RSRC2: variants seen among roughly 807,000 people sequenced by gnomAD.
RSRC2 encodes the protein arginine/serine-rich coiled-coil protein 2.
RSRC2 carries 5 observed loss-of-function variants against 61.3 expected under a neutral mutation model. The ratio of observed to expected loss-of-function variants is 0.08; its 90% CI spans 0.04 to 0.17. The LOEUF (loss-of-function observed/expected upper bound fraction) is 0.17, where lower values mean the gene tolerates loss of function less well. Ranked by LOEUF, RSRC2 falls within the 10% of genes least tolerant of loss-of-function variation. The pLI is 1.00. For missense variants in RSRC2, 381 were observed against 518.8 expected (o/e 0.73, Z 2.58); for synonymous variants, 202 against 166.5 (o/e 1.21, Z -1.64).
At chr12:122,510,142 A>C (rs1452836892) in intron 7 of RSRC2, among the ~76,000 whole-genome samples, 1 of 152,194 alleles carries the variant, frequency 6.6e-6, no homozygotes, top group African/African-American at 2.4e-5. Context: ...TGAAATCTGC[A>C]ATGTTTGTTA....
intron 1 of RSRC2, chr12:122,523,625 C>T (rs926349328): frequency 1.3e-5 from 2 of 152,146 alleles, no homozygotes; most frequent in Non-Finnish European, 2.9e-5. Flanking sequence ...AATAGGGAAT[C>T]GATAGTCTTC....
At chr12:122,509,824 TTTG>T (rs1053468204) in intron 7 of RSRC2, among the ~76,000 whole-genome samples, 15 of 152,262 alleles carry the variant, frequency 9.9e-5, no homozygotes, top group Admixed American at 3.9e-4. Context: ...GTGATAATTT[TTTG>T]TTTTTTGTTT....
chr12:122,512,191 ACAAG>A (rs1049606442), intron 6 of RSRC2, among the ~76,000 whole-genome samples: 1 of 152,256 alleles, frequency 6.6e-6, no homozygotes, highest in Non-Finnish European at 1.5e-5. Context: ...TGCACACTAA[ACAAG>A]CTATATGTTA....
chr12:122,517,563 A>T (rs1959033752), intron 4 of RSRC2, 133 bp from the exon 5 acceptor site: 3 of 1,092,260 alleles, frequency 2.7e-6, no homozygotes, highest in Non-Finnish European at 2.6e-6. Context: ...TACAGAAATA[A>T]GCGAGATTTT....
At chr12:122,508,101 G>T in intron 8 of RSRC2, 117 bp downstream of exon 8, 1 of 920,128 alleles carries the variant, frequency 1.1e-6, no homozygotes, top group Non-Finnish European at 1.7e-6. Context: ...CCCGCGTCTG[G>T]CCACCCCAGG....
At chr12:122,518,347 C>T (rs975600891) in intron 4 of RSRC2, among the ~76,000 whole-genome samples, 7 of 152,044 alleles carry the variant, frequency 4.6e-5, no homozygotes, top group African/African-American at 1.7e-4. Context: ...AATCCCAGCA[C>T]TTTGGGAGGC....
rs1224003523 is a variant in RSRC2, at chr12:122,517,248, CTCCTGCTTCTAGTCCTAT to C, written c.563_580del (p.His188_Ser194delinsArg). On this transcript the variant is annotated inframe_deletion, in exon 5 of 10. Coordinates refer to ENST00000331738, the MANE Select transcript of RSRC2 (RefSeq NM_023012.6). Reference sequence around the variant, plus strand: ...CTACCGACTCCTACTCCTTGTCCTACTCCTGCTTCTAGTCCTATGCCTGTGTCTTGATCTTGAGCGGGA... The same window carrying C: ...CTACCGACTCCTACTCCTTGTCCTACGCCTGTGTCTTGATCTTGAGCGGGA... 1 of 1,614,068 alleles carries C rather than the reference CTCCTGCTTCTAGTCCTAT, an allele frequency of 6.2e-7. No homozygotes were observed. The highest frequency in any genetic ancestry group is 1.3e-5 in the African/African-American group (1 of 74,926).
chr12:122,505,111 G>C lies in RSRC2; in HGVS notation c.*416C>G, dbSNP rs1817831114. On this transcript the variant is annotated 3_prime_UTR_variant, in exon 10 of 10. Transcript: ENST00000331738. Reference sequence around the variant, plus strand: ...ACCCAGCTTATCTGTGCTGGATTATGTACCAAATGGCCAGATCTTCTAAAG... The same window carrying C: ...ACCCAGCTTATCTGTGCTGGATTATCTACCAAATGGCCAGATCTTCTAAAG... 2 of 155,084 alleles carry C rather than the reference G, an allele frequency of 1.3e-5. No homozygotes were observed. The highest frequency in any genetic ancestry group is 1.3e-4 in the Admixed American group (2 of 15,400). 9.6% of individuals were successfully genotyped at this position (155,084 alleles called of 1,614,324 possible). A position where few individuals can be genotyped will look rare whatever the true frequency, so the allele number is the denominator to read the frequency against.
chr12:122,509,384 AGGT>A (rs1958328366), intron 7 of RSRC2, among the ~76,000 whole-genome samples: 1 of 150,844 alleles, frequency 6.6e-6, no homozygotes, highest in Non-Finnish European at 1.5e-5. Context: ...CGAGAGGTGG[AGGT>A]TGTTGTGAGT....
intron 7 of RSRC2, among the ~76,000 whole-genome samples, chr12:122,509,304 G>A (rs12302877): frequency 2.6e-5 from 4 of 151,908 alleles, no homozygotes; most frequent in African/African-American, 9.7e-5. Context: ...AAAAAAATTA[G>A]CCAGGCGTGG....
chr12:122,515,354 T>A (rs1958826509), intron 5 of RSRC2, 127 bp from the exon 6 acceptor site: 1 of 885,808 alleles, frequency 1.1e-6, no homozygotes, highest in South Asian at 1.7e-5. Context: ...TGCAAAAGAT[T>A]TAAAACATCA....
rs112040871 is a variant in RSRC2, at chr12:122,505,782, G to A, written c.1126-76C>T. On this transcript the variant is annotated intron_variant, in intron 9 of 9. Transcript: ENST00000331738. ...TCTCTCACTTGACACTATTTTTTAT[G>A]TATTTTTTTTTTTTGAGATGGAGTC... 2.4e-3 allele frequency: 3,094 copies of A among 1,313,310 alleles called. 56 individuals are homozygous for A. The African/African-American group carries it at 0.043, about 18-fold the overall frequency. The allele number at this position is 1,313,310 out of a possible 1,614,324, so 81.4% of individuals were successfully genotyped here. A position where few individuals can be genotyped will look rare whatever the true frequency, so the allele number is the denominator to read the frequency against.
At chr12:122,525,393 A>C (rs1158666998) in intron 1 of RSRC2, among the ~76,000 whole-genome samples, 3 of 152,124 alleles carry the variant, frequency 2.0e-5, no homozygotes, top group African/African-American at 7.2e-5. Context: ...ATACAAAAAA[A>C]CCTGCAACCC....
Position 122,508,432 on chromosome 12 carries a change from C to T in RSRC2, c.821G>A (p.Gly274Asp). 6.2e-7 allele frequency: 1 copy of T among 1,613,848 alleles called. No individual in the cohort carries two copies. Among genetic ancestry groups the T allele is most frequent in the Non-Finnish European group, 8.5e-7 (1 of 1,179,788 alleles). The part of the protein sequence containing the change: ...QEIAAAAATG[G>D]SVLNVAALLA... ...CAGGGCAGCAACATTGAGAACAGAA[C>T]CTCCAGTAGCTGCAGCTGCTTGAAG... Residue 274 changes from glycine (G) to aspartate (D), a missense_variant, in exon 8 of 10, where the codon GGT becomes GAT. Physicochemically the swap from Gly to Asp is moderately conservative, Grantham distance 94. Transcript: ENST00000331738.
In RSRC2 at chr12:122,515,298, T is replaced by C; in HGVS notation, c.603-71A>G. 2.0e-6 allele frequency: 3 copies of C among 1,465,456 alleles called. No homozygotes were observed. In the South Asian group the frequency reaches 3.7e-5, roughly 18 times the overall value. The allele number at this position is 1,465,456 out of a possible 1,614,324, so 90.8% of individuals were successfully genotyped here. A position where few individuals can be genotyped will look rare whatever the true frequency, so the allele number is the denominator to read the frequency against. On this transcript the variant is annotated intron_variant, in intron 5 of 9. Coordinates refer to ENST00000331738, the MANE Select transcript of RSRC2 (RefSeq NM_023012.6). ...ACTATTTTGTTAATAAGAAATCAATTAGTTCAAACAAAAATCCCAACGATA... is the reference window on the plus strand; with the variant it reads ...ACTATTTTGTTAATAAGAAATCAATCAGTTCAAACAAAAATCCCAACGATA...
intron 6 of RSRC2, chr12:122,513,771 T>C: frequency 1.0e-5 from 10 of 985,138 alleles, no homozygotes; most frequent in Non-Finnish European, 1.2e-5. Context: ...GCTCACACTT[T>C]TGCTGCTGTT....
intron 7 of RSRC2, among the ~76,000 whole-genome samples, chr12:122,510,162 ACTTGATTT>A (rs1958391694): frequency 6.6e-6 from 1 of 152,184 alleles, no homozygotes. Context: ...ACGCATAAAA[ACTTGATTT>A]CTTGAAAGAG....
intron 3 of RSRC2, chr12:122,520,628 A>G (rs746372341): frequency 2.4e-6 from 3 of 1,272,498 alleles, no homozygotes; most frequent in South Asian, 2.4e-5. Flanking sequence ...GCTAAACAAA[A>G]TAGTCATTTT....
At chr12:122,522,449 A>G in intron 1 of RSRC2, 150 bp from the exon 2 acceptor site, 2 of 718,586 alleles carry the variant, frequency 2.8e-6, no homozygotes, top group Admixed American at 3.3e-5. Context: ...TGCTTTGTAC[A>G]CTAATAAGGC....
Sources: allele counts gnomAD v4.1 joint callset (sites outside exome capture counted in the v4.1 genomes callset), GRCh38; gene constraint gnomAD v4.1.1; transcripts MANE v1.5; gene names NCBI Gene and HGNC (gene_info 2026-07-23, HGNC 2026-07-21).